SKAP1: variants seen among roughly 807,000 people sequenced by gnomAD.
The protein encoded by SKAP1 is src kinase-associated phosphoprotein 1.
In SKAP1, 44 loss-of-function variants were observed where a neutral mutation model predicts 58.5. The ratio of observed to expected loss-of-function variants is 0.75; its 90% CI spans 0.59 to 0.97. The LOEUF is 0.97. Among genes scored for constraint, SKAP1 ranks in the 50% least tolerant of loss-of-function variants. SKAP1 has a pLI of 0.00. For synonymous variants in SKAP1, 127 were observed against 149.7 expected, an observed-to-expected ratio of 0.85 and a Z score of 1.11; for missense variants, 390 against 435.2, an observed-to-expected ratio of 0.90 and a Z score of 0.92.
At chr17:48,222,268 A>C (rs1475601335) in intron 4 of SKAP1, among the ~76,000 whole-genome samples, 1 of 152,176 alleles carries the variant, frequency 6.6e-6, no homozygotes, top group Admixed American at 6.5e-5. Flanking sequence ...CAAATCAATA[A>C]TAGTTTTAGC....
chr17:48,341,993 C>A (rs2066659272), intron 4 of SKAP1, among the ~76,000 whole-genome samples: 1 of 152,126 alleles, frequency 6.6e-6, no homozygotes, highest in Non-Finnish European at 1.5e-5. Context: ...TTTCCCCAAT[C>A]CACTTTAAAA....
chr17:48,413,523 A>AAAAAAATATATATATAT, intron 1 of SKAP1, among the ~76,000 whole-genome samples: 1 of 105,454 alleles, frequency 9.5e-6, no homozygotes, highest in African/African-American at 4.3e-5. Flanking sequence ...TCAAAAAAAA[A>AAAAAAATATATATATAT]ATATATATAT....
chr17:48,274,240 CA>C (rs1219391057), intron 4 of SKAP1, among the ~76,000 whole-genome samples: 1 of 151,812 alleles, frequency 6.6e-6, no homozygotes, highest in Non-Finnish European at 1.5e-5. Flanking sequence ...ATTAAAAATA[CA>C]AAAAATTAGC....
chr17:48,140,976 G>A (rs2063760277), intron 11 of SKAP1, among the ~76,000 whole-genome samples: 1 of 151,692 alleles, frequency 6.6e-6, no homozygotes, highest in African/African-American at 2.4e-5. Context: ...TAGTAGAGAC[G>A]AGGTTTCACC....
At chr17:48,215,834 G>A (rs1054106351) in intron 4 of SKAP1, among the ~76,000 whole-genome samples, 1 of 152,068 alleles carries the variant, frequency 6.6e-6, no homozygotes, top group African/African-American at 2.4e-5. Context: ...GCTCTCCCTG[G>A]TTCTAATTGG....
upstream of SKAP1, among the ~76,000 whole-genome samples, chr17:48,430,819 G>T (rs1190600604): frequency 6.6e-6 from 1 of 152,214 alleles, no homozygotes; most frequent in Non-Finnish European, 1.5e-5. Flanking sequence ...AAAGGAAGGG[G>T]TAACACAGGG....
intron 1 of SKAP1, among the ~76,000 whole-genome samples, chr17:48,407,303 AG>A (rs1449604632): frequency 1.3e-5 from 2 of 152,234 alleles, no homozygotes; most frequent in Admixed American, 6.5e-5. Flanking sequence ...CAATAAAACA[AG>A]TCTATGGGGA....
chr17:48,301,978 T>C (rs2066063836), intron 4 of SKAP1, among the ~76,000 whole-genome samples: 1 of 152,186 alleles, frequency 6.6e-6, no homozygotes, highest in Non-Finnish European at 1.5e-5. Flanking sequence ...TATCAAAAAA[T>C]ATAATGAAGA....
At chr17:48,434,471 C>T (rs1164665259), upstream of SKAP1, among the ~76,000 whole-genome samples, 1 of 152,170 alleles carries the variant, frequency 6.6e-6, no homozygotes, top group Non-Finnish European at 1.5e-5. Context: ...TCCTGTTATA[C>T]ACACACTCAC....
At chr17:48,223,088 C>T (rs1286164803) in intron 4 of SKAP1, among the ~76,000 whole-genome samples, 1 of 109,388 alleles carries the variant, frequency 9.1e-6, no homozygotes, top group Non-Finnish European at 2.0e-5. Flanking sequence ...AAAAAAAAAG[C>T]CCTCTTAAAA....
chr17:48,318,035 C>T (rs76233275), intron 4 of SKAP1, among the ~76,000 whole-genome samples: 23 of 152,114 alleles, frequency 1.5e-4, no homozygotes, highest in Non-Finnish European at 3.2e-4. Flanking sequence ...ACCAGAAAAG[C>T]GCAAATAAAC....
At chr17:48,251,405 T>C (rs1486035359) in intron 4 of SKAP1, among the ~76,000 whole-genome samples, 1 of 152,216 alleles carries the variant, frequency 6.6e-6, no homozygotes, top group Non-Finnish European at 1.5e-5. Context: ...AGTAGCACCA[T>C]TCACATTGTT....
chr17:48,246,625 G>GA (rs2065299983), intron 4 of SKAP1, among the ~76,000 whole-genome samples: 1 of 152,206 alleles, frequency 6.6e-6, no homozygotes, highest in Non-Finnish European at 1.5e-5. Flanking sequence ...AAGGCATGCA[G>GA]AGATTAAGTG....
At chr17:48,438,192 C>T in the SKAP1 span, among the ~76,000 whole-genome samples, 1 of 152,128 alleles carries the variant, frequency 6.6e-6, no homozygotes, top group Non-Finnish European at 1.5e-5. Flanking sequence ...TTCCATATGC[C>T]TCAATTTCCT....
At chr17:48,338,002 T>C (rs1398238120) in intron 4 of SKAP1, among the ~76,000 whole-genome samples, 1 of 151,852 alleles carries the variant, frequency 6.6e-6, no homozygotes, top group African/African-American at 2.4e-5. Flanking sequence ...CCTTCCTACC[T>C]TCCTTCCTTC....
chr17:48,363,633 A>G (rs1297450115), intron 3 of SKAP1, among the ~76,000 whole-genome samples, 156 bp downstream of exon 3: 1 of 152,232 alleles, frequency 6.6e-6, no homozygotes, highest in African/African-American at 2.4e-5. Context: ...AGGGCAGGGG[A>G]GCGCAGCAGG....
intron 1 of SKAP1, among the ~76,000 whole-genome samples, chr17:48,397,398 C>T (rs1567898325): frequency 1.3e-5 from 2 of 152,052 alleles, no homozygotes; most frequent in Admixed American, 6.6e-5. Context: ...GCTAATTTTT[C>T]GTATTTTAGT....
intron 1 of SKAP1, among the ~76,000 whole-genome samples, chr17:48,404,921 G>A (rs937166354): frequency 3.3e-5 from 5 of 152,176 alleles, no homozygotes; most frequent in Admixed American, 3.3e-4. Context: ...TTAAAAGCAA[G>A]AATGGCAATA....
chr17:48,245,401 T>C (rs116026820), intron 4 of SKAP1, among the ~76,000 whole-genome samples: 6 of 152,322 alleles, frequency 3.9e-5, no homozygotes, highest in African/African-American at 1.2e-4. Context: ...TTACGAGAAG[T>C]AGACTTTTGC....
Sources: allele counts gnomAD v4.1 joint callset (sites outside exome capture counted in the v4.1 genomes callset), GRCh38; gene constraint gnomAD v4.1.1; transcripts MANE v1.5; gene names NCBI Gene and HGNC (gene_info 2026-07-23, HGNC 2026-07-21).